The following AGAP1 variants were observed in gnomAD, a reference collection of about 807,000 sequenced individuals.
AGAP1 encodes arf-GAP with GTPase, ANK repeat and PH domain-containing protein 1.
In AGAP1, 29 loss-of-function variants were observed where a neutral mutation model predicts 105.3. The observed-to-expected ratio is 0.28, with a 90% CI of 0.21 to 0.38. The LOEUF is 0.38. Ranked by LOEUF, AGAP1 falls within the 10% of genes least tolerant of loss-of-function variation. The probability of loss-of-function intolerance (pLI) is 1.00; values close to 1 mark genes in which losing one functional copy is unlikely to be tolerated. For missense variants in AGAP1, 998 were observed against 1,165.1 expected (o/e 0.86, Z 2.09); for synonymous variants, 509 against 485.9 (o/e 1.05, Z -0.63).
In AGAP1 at chr2:235,511,874, A is replaced by ATGTGGATATGTG. The variant is rs879692811; in HGVS notation, c.163+17029_163+17030insGATATGTGTGTG. Among the ~76,000 whole-genome samples, 12 of 150,090 alleles carry ATGTGGATATGTG rather than the reference A, an allele frequency of 8.0e-5. No homozygotes were observed. The East Asian group carries it at 2.0e-3, about 25-fold the overall frequency. On this transcript the variant is annotated intron_variant, in intron 1 of 17. Coordinates refer to ENST00000304032, the MANE Select transcript of AGAP1 (RefSeq NM_001037131.3). ...TGGATGTGTGTGAATGTGTGTGTGT[A>ATGTGGATATGTG]TGTGAATGTGTGTGAATGTGAGTGT...
In AGAP1 at chr2:235,721,117, C is replaced by T. The variant is rs1004103425; in HGVS notation, c.310+3473C>T. Among the ~76,000 whole-genome samples, 2 of 152,144 alleles carry T rather than the reference C, an allele frequency of 1.3e-5. No homozygotes were observed. The highest frequency in any genetic ancestry group is 4.8e-5 in the African/African-American group (2 of 41,440). ...CTGCCTCCAGGATTCAAGTGATCCT[C>T]CTGCCGCAGCCTCCTGAGTAGCTGG... On this transcript the variant is annotated intron_variant, in intron 3 of 17. Transcript: ENST00000304032. This position sits in a 1 kb window ranked among gnomAD's most constrained non-coding sequence, Gnocchi z 4.5.
intron 12 of AGAP1, among the ~76,000 whole-genome samples, chr2:235,966,982 A>G (rs1042987317): frequency 1.3e-5 from 2 of 152,162 alleles, no homozygotes; most frequent in South Asian, 2.1e-4. Flanking sequence ...TTTTCAATTC[A>G]TTTTGATTTC....
intron 4 of AGAP1, among the ~76,000 whole-genome samples, chr2:235,742,492 G>A (rs1382173065): frequency 1.3e-5 from 2 of 152,156 alleles, no homozygotes; most frequent in African/African-American, 2.4e-5. Flanking sequence ...CCTTGAAGAC[G>A]TGTTAAAAGT....
intron 9 of AGAP1, among the ~76,000 whole-genome samples, chr2:235,827,291 C>T (rs1959124529): frequency 6.6e-6 from 1 of 152,178 alleles, no homozygotes; most frequent in African/African-American, 2.4e-5. Flanking sequence ...GCAGACTCTC[C>T]TTGCTCACCC....
At chr2:235,532,868 G>A (rs1943089994) in intron 1 of AGAP1, among the ~76,000 whole-genome samples, 1 of 152,200 alleles carries the variant, frequency 6.6e-6, no homozygotes, top group African/African-American at 2.4e-5. Context: ...AGCAGTGACT[G>A]TGAACAGCCG....
rs1289950982 is a variant in AGAP1 at position 235,574,880 on chromosome 2, A to C, written c.163+80031A>C. On this transcript the variant is annotated intron_variant, in intron 1 of 17. Coordinates refer to ENST00000304032, the MANE Select transcript of AGAP1 (RefSeq NM_001037131.3). The surrounding 1 kb of genome is among the most constrained non-coding windows in gnomAD (Gnocchi z 5.0). The stretch of plus-strand genomic sequence containing the variant: ...GAGCACGCGTGTAATTCTAGCACTT[A>C]GGGAGGCCGAGGCAAATGGATCACT... Among the ~76,000 whole-genome samples, 1 of 152,172 alleles carries C rather than the reference A, an allele frequency of 6.6e-6. No homozygotes were observed. The highest frequency in any genetic ancestry group is 1.5e-5 in the Non-Finnish European group (1 of 68,028).
chr2:235,840,508 G>A (rs967354750), intron 9 of AGAP1, among the ~76,000 whole-genome samples: 1 of 152,106 alleles, frequency 6.6e-6, no homozygotes, highest in Admixed American at 6.5e-5. Context: ...CTCAATACTC[G>A]TGGGTCCGTG....
At chr2:235,876,578 T>TA (rs1317805743) in intron 9 of AGAP1, among the ~76,000 whole-genome samples, 4 of 152,182 alleles carry the variant, frequency 2.6e-5, no homozygotes, top group Admixed American at 6.5e-5. Context: ...GTGTGGCTGA[T>TA]ACCAAAGTCT....
rs780887326 is a variant in AGAP1 at position 235,633,170 on chromosome 2, A to C, written c.164-76009A>C. Among the ~76,000 whole-genome samples the C allele has an allele frequency of 2.6e-5, 4 of 152,030 alleles. No individual in the cohort carries two copies. The highest frequency in any genetic ancestry group is 4.4e-5 in the Non-Finnish European group (3 of 68,004). Reference sequence around the variant, plus strand: ...GGTTAACGAGAGAAAAGCATTATACATTTACTTGATCCTGGTTTTACGGCA... The same window carrying C: ...GGTTAACGAGAGAAAAGCATTATACCTTTACTTGATCCTGGTTTTACGGCA... On this transcript the variant is annotated intron_variant, in intron 1 of 17. Coordinates refer to ENST00000304032, the MANE Select transcript of AGAP1 (RefSeq NM_001037131.3). The surrounding 1 kb of genome is among the most constrained non-coding windows in gnomAD (Gnocchi z 4.8).
chr2:235,510,024 G>A (rs6725670), intron 1 of AGAP1, among the ~76,000 whole-genome samples: 133,058 of 152,148 alleles, frequency 0.87, 58,367 homozygotes, highest in East Asian at 0.98. Flanking sequence ...ATGAGACTCT[G>A]ATGCCTGATG....
chr2:235,558,096 C>T (rs999603480), intron 1 of AGAP1, among the ~76,000 whole-genome samples: 2 of 152,162 alleles, frequency 1.3e-5, no homozygotes, highest in Non-Finnish European at 2.9e-5. Context: ...GAGTAGGAGG[C>T]TGGCGGCCTT....
intron 1 of AGAP1, among the ~76,000 whole-genome samples, chr2:235,606,349 T>C (rs1288115399): frequency 1.3e-5 from 2 of 152,216 alleles, no homozygotes; most frequent in African/African-American, 4.8e-5. Context: ...AAAACCTGTT[T>C]GCCAGAGATG....
In AGAP1 at chr2:236,131,059, C is replaced by G. The variant is rs576276784; in HGVS notation, c.*6937C>G. 6.6e-6 allele frequency: 1 copy of G among 152,342 alleles called. No homozygotes were observed. The highest frequency in any genetic ancestry group is 2.1e-4 in the South Asian group (1 of 4,820). The allele number at this position is 152,342 out of a possible 1,614,324, so 9.4% of individuals were successfully genotyped here. A position where few individuals can be genotyped will look rare whatever the true frequency, so the allele number is the denominator to read the frequency against. On this transcript the variant is annotated 3_prime_UTR_variant, in exon 18 of 18. Coordinates refer to ENST00000304032, the MANE Select transcript of AGAP1 (RefSeq NM_001037131.3). The surrounding 1 kb of genome is among the most constrained non-coding windows in gnomAD (Gnocchi z 5.9). ...GCGTTAAGAACGGGGGGAGAGGGACCAGCACTGTAACGTTAGAAATAATTC... is the reference window on the plus strand; with the variant it reads ...GCGTTAAGAACGGGGGGAGAGGGACGAGCACTGTAACGTTAGAAATAATTC...
At chr2:235,768,404 A>G (rs993717043) in intron 6 of AGAP1, among the ~76,000 whole-genome samples, 1 of 152,256 alleles carries the variant, frequency 6.6e-6, no homozygotes, top group African/African-American at 2.4e-5. Context: ...ATTTATAAAG[A>G]TTTTGGAGAA....
At chr2:235,784,598 CAAAA>C (rs71400786) in intron 6 of AGAP1, among the ~76,000 whole-genome samples, 16 of 124,424 alleles carry the variant, frequency 1.3e-4, no homozygotes, top group South Asian at 5.3e-4. Context: ...CTTATTAAAG[CAAAA>C]AAAAAAAAAA....
At chr2:235,656,640 ACAGGGGAACGACACAGCAG>A (rs1165038916) in intron 1 of AGAP1, among the ~76,000 whole-genome samples, 1 of 152,156 alleles carries the variant, frequency 6.6e-6, no homozygotes, top group Non-Finnish European at 1.5e-5. Flanking sequence ...ACCCTAGCCA[ACAGGGGAACGACACAGCAG>A]CAGGGGCCAC....
chr2:236,027,373 C>T lies in AGAP1; in HGVS notation c.1646-9188C>T, dbSNP rs1329248456. Reference sequence around the variant, plus strand: ...TAGGCTCTGTGCTCAGATGTTAATCCTTCCTCAGGAAGCAAGGTCCAGCTG... The same window carrying T: ...TAGGCTCTGTGCTCAGATGTTAATCTTTCCTCAGGAAGCAAGGTCCAGCTG... On this transcript the variant is annotated intron_variant, in intron 13 of 17. Transcript: ENST00000304032. The surrounding 1 kb of genome is among the most constrained non-coding windows in gnomAD (Gnocchi z 4.4). Among the ~76,000 whole-genome samples the T allele has an allele frequency of 2.0e-5, 3 of 152,138 alleles. No individual in the cohort carries two copies. Among genetic ancestry groups the T allele is most frequent in the Non-Finnish European group, 4.4e-5 (3 of 68,020 alleles).
chr2:235,709,190 A>G lies in AGAP1; in HGVS notation c.175A>G (p.Asn59Asp), dbSNP rs770771503. Residue 59 changes from asparagine (N) to aspartate (D), a missense_variant, in exon 2 of 18, where the codon AAC becomes GAC. Around this residue, in one of 3 missense-constraint regions of AGAP1, gnomAD observed 735 missense variants for 833.4 expected, o/e 0.88. Coordinates refer to ENST00000304032, the MANE Select transcript of AGAP1 (RefSeq NM_001037131.3). ...HVIAIEDAFVNSQEWTLSRSV... is the reference protein window; with the variant it reads ...HVIAIEDAFVDSQEWTLSRSV... ...CTCCTCTTTTTCAGATGCCTTCGTG[A>G]ACAGCCAGGAATGGACGCTGAGTCG... The G allele has an allele frequency of 1.2e-6, 2 of 1,614,094 alleles. No individual in the cohort carries two copies. The highest frequency in any genetic ancestry group is 1.3e-5 in the African/African-American group (1 of 75,014).
At chr2:235,653,908 T>C (rs1007613312) in intron 1 of AGAP1, among the ~76,000 whole-genome samples, 18 of 151,998 alleles carry the variant, frequency 1.2e-4, no homozygotes, top group Non-Finnish European at 1.6e-4. Flanking sequence ...AATACAAAAT[T>C]AGCCGGGAGT....
Sources: allele counts gnomAD v4.1 joint callset (sites outside exome capture counted in the v4.1 genomes callset), GRCh38; gene constraint gnomAD v4.1.1; regional missense constraint gnomAD v4.1.1; non-coding constraint Gnocchi (gnomAD v3.1); transcripts MANE v1.5; gene names NCBI Gene and HGNC (gene_info 2026-07-23, HGNC 2026-07-21).